ARHGAP10: variants seen among roughly 807,000 people sequenced by gnomAD.
ARHGAP10 encodes the protein Rho GTPase activating protein 10.
A neutral mutation model predicts 108.6 loss-of-function variants in ARHGAP10; 87 were observed. That is an observed-to-expected ratio of 0.80 (90% CI 0.67 to 0.96). The LOEUF (loss-of-function observed/expected upper bound fraction) is 0.96, where lower values mean the gene tolerates loss of function less well. Ranked by LOEUF, ARHGAP10 falls within the 40% of genes least tolerant of loss-of-function variation. The pLI is 0.00. For missense variants in ARHGAP10, 939 were observed against 954.5 expected (o/e 0.98, Z 0.21); for synonymous variants, 347 against 341.1 (o/e 1.02, Z -0.19).
Position 147,763,505 on chromosome 4 carries a change from T to C in ARHGAP10, c.154+31050T>C, listed in dbSNP as rs971023435. On this transcript the variant is annotated intron_variant, in intron 1 of 22. Transcript: ENST00000336498. ...TTTTGTGTTTTTAGTAGAGATGGGGTTTCACCATGTTGGACAGGATGGTCT... is the reference window on the plus strand; with the variant it reads ...TTTTGTGTTTTTAGTAGAGATGGGGCTTCACCATGTTGGACAGGATGGTCT... 4.3e-4 allele frequency among the ~76,000 whole-genome samples: 66 copies of C among 151,876 alleles called. 1 individual carries two copies. The highest frequency in any genetic ancestry group is 3.2e-4 in the Non-Finnish European group (22 of 67,986).
intron 13 of ARHGAP10, among the ~76,000 whole-genome samples, chr4:147,932,357 TCACTA>T (rs1578703999): frequency 1.3e-5 from 2 of 152,162 alleles, no homozygotes; most frequent in African/African-American, 4.8e-5. Flanking sequence ...ATGCATATGT[TCACTA>T]CATTACTTTT....
intron 18 of ARHGAP10, among the ~76,000 whole-genome samples, chr4:148,019,774 A>C (rs79369720): frequency 5.3e-5 from 8 of 151,968 alleles, no homozygotes; most frequent in Non-Finnish European, 1.2e-4. Context: ...AAAAAAAAAA[A>C]AACAAAACAA....
chr4:147,747,402 T>C (rs1296921522), intron 1 of ARHGAP10, among the ~76,000 whole-genome samples: 1 of 152,226 alleles, frequency 6.6e-6, no homozygotes, highest in Non-Finnish European at 1.5e-5. Context: ...GCTAACTACT[T>C]AGGTTCAACC....
At chr4:147,970,105 A>T (rs1739350244) in intron 18 of ARHGAP10, among the ~76,000 whole-genome samples, 1 of 151,576 alleles carries the variant, frequency 6.6e-6, no homozygotes, top group Non-Finnish European at 1.5e-5. Context: ...TTCTACTCCC[A>T]CTCCTGGCTC....
At chr4:147,765,692 C>T (rs752574958) in intron 1 of ARHGAP10, among the ~76,000 whole-genome samples, 10 of 152,076 alleles carry the variant, frequency 6.6e-5, no homozygotes, top group Non-Finnish European at 1.0e-4. Flanking sequence ...CCGAGCTACT[C>T]GGGAGGCTGA....
intron 3 of ARHGAP10, among the ~76,000 whole-genome samples, chr4:147,844,666 T>C (rs1386958496): frequency 6.6e-6 from 1 of 152,222 alleles, no homozygotes; most frequent in Non-Finnish European, 1.5e-5. Context: ...ATCCTGGAAA[T>C]CTTCACCTTT....
chr4:147,931,446 T>TA (rs1737678317), intron 13 of ARHGAP10, among the ~76,000 whole-genome samples: 1 of 152,192 alleles, frequency 6.6e-6, no homozygotes, highest in Non-Finnish European at 1.5e-5. Flanking sequence ...TTGGATATTT[T>TA]AACTTTAATT....
chr4:147,840,669 A>G (rs937088462), intron 3 of ARHGAP10, among the ~76,000 whole-genome samples: 9 of 152,212 alleles, frequency 5.9e-5, no homozygotes, highest in African/African-American at 2.2e-4. Context: ...ATTTGAGCCC[A>G]GTATGAAATT....
chr4:148,010,583 AG>A (rs1741132078), intron 18 of ARHGAP10, among the ~76,000 whole-genome samples: 1 of 152,180 alleles, frequency 6.6e-6, no homozygotes, highest in Non-Finnish European at 1.5e-5. Flanking sequence ...TTTGAGACTA[AG>A]TTCCTTTATA....
At position 148,049,701 on chromosome 4, in the gene ARHGAP10, A is replaced by G. The variant is rs989695912; in HGVS notation, c.2027+2650A>G. On this transcript the variant is annotated intron_variant, in intron 20 of 22. Transcript: ENST00000336498. Reference sequence around the variant, plus strand: ...AAGTTGCCTTTGAGTGTTCTTTAATATTTGCCTTTTAGTATTATTTGATAT... The same window carrying G: ...AAGTTGCCTTTGAGTGTTCTTTAATGTTTGCCTTTTAGTATTATTTGATAT... Among the ~76,000 whole-genome samples, 22 of 151,664 alleles carry G rather than the reference A, an allele frequency of 1.5e-4. 1 individual carries two copies. Among genetic ancestry groups the G allele is most frequent in the Admixed American group, 1.4e-3 (22 of 15,232 alleles).
intron 19 of ARHGAP10, among the ~76,000 whole-genome samples, chr4:148,042,831 G>A (rs1454833412): frequency 6.6e-6 from 1 of 152,222 alleles, no homozygotes; most frequent in Admixed American, 6.5e-5. Flanking sequence ...AGAGATGCTT[G>A]TGGCTCAAAA....
At chr4:147,832,551 G>A (rs1732994117) in intron 3 of ARHGAP10, among the ~76,000 whole-genome samples, 1 of 145,640 alleles carries the variant, frequency 6.9e-6, no homozygotes, top group East Asian at 2.1e-4. Context: ...GGAGGCTGAG[G>A]CAGGAGAATC....
rs148314639 is a variant in ARHGAP10, at chr4:147,955,422, G to A, written c.1450+48G>A. The stretch of plus-strand genomic sequence containing the variant: ...TAGGAACAGTTTTGTAGTTGGTAGT[G>A]AGCATAAACGAAAAATTTCCATATG... On this transcript the variant is annotated intron_variant, in intron 16 of 22. Coordinates refer to ENST00000336498, the MANE Select transcript of ARHGAP10 (RefSeq NM_024605.4). 1.0e-4 allele frequency: 149 copies of A among 1,488,056 alleles called. 1 individual carries two copies. In the East Asian group the frequency reaches 3.2e-3, roughly 32 times the overall value. The allele number at this position is 1,488,056 out of a possible 1,614,324, so 92.2% of individuals were successfully genotyped here.
chr4:147,955,183 T>A, intron 15 of ARHGAP10, 133 bp from the exon 16 acceptor site: 1 of 796,404 alleles, frequency 1.3e-6, no homozygotes, highest in Non-Finnish European at 2.0e-6. Context: ...TTTTGATATG[T>A]AAAGGTATTC....
intron 7 of ARHGAP10, among the ~76,000 whole-genome samples, chr4:147,872,540 T>C (rs1038857676): frequency 2.0e-5 from 3 of 152,214 alleles, no homozygotes; most frequent in African/African-American, 7.2e-5. Flanking sequence ...CCCTGCGCTA[T>C]TGGATGTCTG....
At chr4:147,890,458 T>C (rs1261942849) in intron 10 of ARHGAP10, among the ~76,000 whole-genome samples, 7 of 152,224 alleles carry the variant, frequency 4.6e-5, no homozygotes, top group Admixed American at 2.0e-4. Flanking sequence ...AGAACCATTG[T>C]AACTCAATAA....
chr4:147,765,994 G>A (rs1195220550), intron 1 of ARHGAP10, among the ~76,000 whole-genome samples: 3 of 152,068 alleles, frequency 2.0e-5, no homozygotes, highest in East Asian at 3.9e-4. Flanking sequence ...TTATGAAATG[G>A]TAGTATTTAT....
At chr4:147,909,436 C>G (rs1736640123) in intron 11 of ARHGAP10, among the ~76,000 whole-genome samples, 3 of 152,278 alleles carry the variant, frequency 2.0e-5, no homozygotes, top group South Asian at 4.1e-4. Context: ...CAGCCCCATC[C>G]TGAGATGGCC....
chr4:147,968,404 G>C (rs983325095), intron 18 of ARHGAP10, among the ~76,000 whole-genome samples: 3 of 152,102 alleles, frequency 2.0e-5, no homozygotes, highest in African/African-American at 7.2e-5. Context: ...CAATCTTCTT[G>C]GGATCACAGG....
Sources: allele counts gnomAD v4.1 joint callset (sites outside exome capture counted in the v4.1 genomes callset), GRCh38; gene constraint gnomAD v4.1.1; transcripts MANE v1.5; gene names NCBI Gene and HGNC (gene_info 2026-07-23, HGNC 2026-07-21).